PWP1: variants seen among roughly 807,000 people sequenced by gnomAD.
PWP1 encodes the protein PWP1 homolog, endonuclein.
Under a neutral mutation model 69.9 loss-of-function variants are expected in PWP1, and 47 were observed. The observed-to-expected ratio is 0.67, with a 90% confidence interval of 0.53 to 0.86. The LOEUF (loss-of-function observed/expected upper bound fraction) is 0.86, where lower values mean the gene tolerates loss of function less well. Ranked by LOEUF, PWP1 falls within the 40% of genes least tolerant of loss-of-function variation. PWP1 has a pLI of 0.00. For missense variants in PWP1, 551 were observed against 608.8 expected, an observed-to-expected ratio of 0.91 and a Z score of 1.00; for synonymous variants, 222 against 208.2, an observed-to-expected ratio of 1.07 and a Z score of -0.57.
intron 6 of PWP1, 93 bp from the exon 7 acceptor site, chr12:107,697,374 C>A: frequency 7.7e-7 from 1 of 1,291,536 alleles, no homozygotes; most frequent in Non-Finnish European, 1.0e-6. Flanking sequence ...TGCTCTAAAG[C>A]ATTTTTCAGT....
intron 5 of PWP1, among the ~76,000 whole-genome samples, chr12:107,693,492 A>G (rs1282597252): frequency 6.6e-6 from 1 of 151,888 alleles, no homozygotes; most frequent in Non-Finnish European, 1.5e-5. Flanking sequence ...AGAGGTTTTT[A>G]ATCTTTTATT....
Position 107,688,708 on chromosome 12 carries a change from C to T in PWP1, c.225C>T (p.Pro75=), listed in dbSNP as rs539119797. ...SARTQARPRE[P]LEDGDPEDDR... ...GCACCCAGGCACGCCCAAGAGAGCC[C>T]CTGGAGGATGGTGACCCAGAGGATG... The change falls in exon 3 of 15, where the codon CCC becomes CCT. Residue 75 remains proline (P), a synonymous_variant. Coordinates refer to ENST00000412830, the MANE Select transcript of PWP1 (RefSeq NM_007062.3). 1 of 1,614,134 alleles carries T rather than the reference C, an allele frequency of 6.2e-7. No homozygotes were observed. The highest frequency in any genetic ancestry group is 1.3e-5 in the African/African-American group (1 of 75,016).
chr12:107,699,867 A>C (rs1889670148), intron 8 of PWP1, among the ~76,000 whole-genome samples: 1 of 152,210 alleles, frequency 6.6e-6, no homozygotes, highest in Non-Finnish European at 1.5e-5. Flanking sequence ...TCATGCTGCT[A>C]ATGTAGACAT....
rs1889349261 is a variant in PWP1, at chr12:107,685,799, A to G, written c.-101A>G. ...GCCTGCGCATGCGCTCTGCCCTGGC[A>G]GCGGCCCTGTGCAGATCCCTGAGCG... is the stretch of plus-strand genomic sequence containing the variant. On this transcript the variant is annotated 5_prime_UTR_variant, in exon 1 of 15. Transcript: ENST00000412830. 6 of 1,298,410 alleles carry G rather than the reference A, an allele frequency of 4.6e-6. No homozygotes were observed. Among genetic ancestry groups the G allele is most frequent in the Non-Finnish European group, 6.6e-6 (6 of 911,048 alleles). 80.4% of individuals were successfully genotyped at this position (1,298,410 alleles called of 1,614,324 possible). A position where few individuals can be genotyped will look rare whatever the true frequency, so the allele number is the denominator to read the frequency against.
chr12:107,691,460 C>G (rs181154033), intron 3 of PWP1, among the ~76,000 whole-genome samples: 1 of 152,310 alleles, frequency 6.6e-6, no homozygotes, highest in Admixed American at 6.5e-5. Flanking sequence ...GAAGTTAACT[C>G]TGGCAACAGT....
At chr12:107,690,875 T>C (rs1167820522) in intron 3 of PWP1, among the ~76,000 whole-genome samples, 2 of 152,086 alleles carry the variant, frequency 1.3e-5, no homozygotes, top group Non-Finnish European at 2.9e-5. Context: ...AAATCAGACA[T>C]GTACGGGTTG....
chr12:107,710,375 G>T (rs1480257222), intron 13 of PWP1, 30 bp from the exon 14 acceptor site: 1 of 1,610,266 alleles, frequency 6.2e-7, no homozygotes, highest in East Asian at 2.2e-5. Context: ...TGAAGAGATT[G>T]AAATCACCAT....
At chr12:107,698,947 T>C (rs1449120195) in intron 7 of PWP1, among the ~76,000 whole-genome samples, 3 of 152,182 alleles carry the variant, frequency 2.0e-5, no homozygotes, top group Non-Finnish European at 4.4e-5. Flanking sequence ...TTATTTATTT[T>C]ATTCTTCAAA....
Position 107,688,030 on chromosome 12 carries a change from C to CAAAA in PWP1, c.73-391_73-388dup, listed in dbSNP as rs56255249. Among the ~76,000 whole-genome samples, 163 of 37,624 alleles carry CAAAA rather than the reference C, an allele frequency of 4.3e-3. 5 individuals are homozygous for CAAAA. The highest frequency in any genetic ancestry group is 4.6e-3 in the Non-Finnish European group (106 of 22,854). 24.7% of individuals were successfully genotyped at this position (37,624 alleles called of 152,430 possible). Reference sequence around the variant, plus strand: ...TGGGCAACAGAGCGAGACTCCGTCTCAAAAAAAAAAAAAAAAAAAAAAAAA... The same window carrying CAAAA: ...TGGGCAACAGAGCGAGACTCCGTCTCAAAAAAAAAAAAAAAAAAAAAAAAAAAAA... On this transcript the variant is annotated intron_variant, in intron 1 of 14. Transcript: ENST00000412830.
chr12:107,707,619 T>G (rs945448395), intron 11 of PWP1, among the ~76,000 whole-genome samples: 1 of 152,242 alleles, frequency 6.6e-6, no homozygotes, highest in Non-Finnish European at 1.5e-5. Context: ...CTGTTGAATT[T>G]TGTCAAAGGC....
At chr12:107,696,440 G>C in intron 5 of PWP1, 34 bp from the exon 6 acceptor site, 1 of 1,604,614 alleles carries the variant, frequency 6.2e-7, no homozygotes, top group Non-Finnish European at 8.5e-7. Flanking sequence ...GACTCATTCT[G>C]ATACATTAAA....
chr12:107,696,678 ATTG>A (rs1042339484), intron 6 of PWP1, 94 bp downstream of exon 6: 1 of 1,539,126 alleles, frequency 6.5e-7, no homozygotes, highest in African/African-American at 1.4e-5. Context: ...TGTTTTCAGA[ATTG>A]TTGCTGATAT....
chr12:107,700,784 C>G (rs193111554), intron 8 of PWP1, among the ~76,000 whole-genome samples: 2 of 152,160 alleles, frequency 1.3e-5, no homozygotes, highest in Non-Finnish European at 2.9e-5. Flanking sequence ...TACATTTTCA[C>G]CAACAATGCA....
At chr12:107,711,447 T>C (rs1218633459) in intron 14 of PWP1, among the ~76,000 whole-genome samples, 2 of 152,150 alleles carry the variant, frequency 1.3e-5, no homozygotes, top group Non-Finnish European at 2.9e-5. Flanking sequence ...GAAAGATCTT[T>C]GGGGAAAGCT....
Position 107,693,109 on chromosome 12 carries a change from T to G in PWP1, c.502+13T>G. On this transcript the variant is annotated intron_variant, in intron 5 of 14. Transcript: ENST00000412830. The stretch of plus-strand genomic sequence containing the variant: ...TTAGAGGTGCATGGTAAGTGATAAA[T>G]CCCTTATTAAAAGATTTTCTAAGTG... The G allele has an allele frequency of 6.3e-7, 1 of 1,575,034 alleles. No homozygotes were observed. Among genetic ancestry groups the G allele is most frequent in the Non-Finnish European group, 8.6e-7 (1 of 1,164,840 alleles).
chr12:107,703,038 T>C lies in PWP1; in HGVS notation c.903+7T>C. The stretch of plus-strand genomic sequence containing the variant: ...CGCTGTACACACAGACAAGGTATGG[T>C]GATTTAGTTGATCACAGCGGTTCTT... On this transcript the variant is annotated splice_region_variant and intron_variant, in intron 9 of 14. Coordinates refer to ENST00000412830, the MANE Select transcript of PWP1 (RefSeq NM_007062.3). The C allele has an allele frequency of 6.4e-7, 1 of 1,565,758 alleles. No homozygotes were observed. The highest frequency in any genetic ancestry group is 1.4e-5 in the African/African-American group (1 of 73,914).
intron 3 of PWP1, among the ~76,000 whole-genome samples, chr12:107,689,970 TA>T (rs1010384044): frequency 6.6e-6 from 1 of 152,188 alleles, no homozygotes; most frequent in Non-Finnish European, 1.5e-5. Context: ...CACTAACTCC[TA>T]ATCTTGGGGT....
chr12:107,709,069 CTG>C, intron 12 of PWP1, 40 bp from the exon 13 acceptor site: 1 of 1,613,580 alleles, frequency 6.2e-7, no homozygotes, highest in Non-Finnish European at 8.5e-7. Flanking sequence ...TGAAGTAAAT[CTG>C]TATTTCAAAG....
chr12:107,707,728 C>G (rs888698348), intron 11 of PWP1, among the ~76,000 whole-genome samples: 4 of 152,112 alleles, frequency 2.6e-5, no homozygotes, highest in African/African-American at 9.7e-5. Flanking sequence ...GTTGAACCAG[C>G]CTTGCATCCC....
Sources: gnomAD v4.1 joint callset for allele counts (sites outside exome capture counted in the v4.1 genomes callset) on GRCh38, gnomAD v4.1.1 for gene constraint, MANE v1.5 for transcripts, NCBI Gene and HGNC (gene_info 2026-07-23, HGNC 2026-07-21) for gene names.